ADAMTS17: variants seen among roughly 807,000 people sequenced by gnomAD.
ADAMTS17 encodes the protein A disintegrin and metalloproteinase with thrombospondin motifs 17.
A neutral mutation model predicts 141.5 loss-of-function variants in ADAMTS17; 113 were observed. The ratio of observed to expected loss-of-function variants is 0.80; its 90% confidence interval spans 0.69 to 0.93. ADAMTS17 has a LOEUF of 0.93. ADAMTS17 is among the 40% of genes least tolerant of loss of function. The probability of loss-of-function intolerance (pLI) is 0.00; values close to 1 mark genes in which losing one functional copy is unlikely to be tolerated. For synonymous variants in ADAMTS17, 768 were observed against 630.6 expected, an observed-to-expected ratio of 1.22 and a Z score of -3.27; for missense variants, 1,659 against 1,517.9, an observed-to-expected ratio of 1.09 and a Z score of -1.54.
intron 18 of ADAMTS17, among the ~76,000 whole-genome samples, chr15:100,025,171 T>C (rs2727117): frequency 0.12 from 17,556 of 152,210 alleles, 2,724 homozygotes; most frequent in African/African-American, 0.35. Context: ...ACTGTTATAT[T>C]TTCATTATAA....
intron 18 of ADAMTS17, among the ~76,000 whole-genome samples, chr15:100,018,510 G>C (rs1035663182): frequency 5.9e-5 from 9 of 152,112 alleles, no homozygotes; most frequent in Non-Finnish European, 1.3e-4. Context: ...CAGGAGATCT[G>C]GTTGCTTAGA....
chr15:100,240,900 A>G (rs2042809181), intron 7 of ADAMTS17, among the ~76,000 whole-genome samples: 1 of 152,102 alleles, frequency 6.6e-6, no homozygotes, highest in Admixed American at 6.5e-5. Flanking sequence ...ATCTCAGCTC[A>G]CTGCAACCTC....
intron 12 of ADAMTS17, among the ~76,000 whole-genome samples, chr15:100,122,301 C>G (rs73482612): frequency 0.013 from 2,032 of 152,228 alleles, 42 homozygotes; most frequent in African/African-American, 0.045. Flanking sequence ...AAAATATGAC[C>G]ACAGGAACTG....
At chr15:100,198,321 A>T (rs1489583257) in intron 8 of ADAMTS17, among the ~76,000 whole-genome samples, 1 of 152,252 alleles carries the variant, frequency 6.6e-6, no homozygotes, top group East Asian at 1.9e-4. Context: ...AAGTAAAGCC[A>T]CAGATATGGC....
intron 8 of ADAMTS17, among the ~76,000 whole-genome samples, chr15:100,159,653 T>C (rs74448924): frequency 0.044 from 6,650 of 152,322 alleles, 488 homozygotes; most frequent in African/African-American, 0.15. Flanking sequence ...GTGTAACCAT[T>C]GCATGTGGAC....
intron 12 of ADAMTS17, among the ~76,000 whole-genome samples, chr15:100,119,802 C>T (rs1355422863): frequency 6.6e-6 from 1 of 152,248 alleles, no homozygotes. Context: ...GGCCCCTTAT[C>T]TAGCTCACAG....
At chr15:100,115,012 G>A (rs1036570954) in intron 13 of ADAMTS17, among the ~76,000 whole-genome samples, 2 of 152,264 alleles carry the variant, frequency 1.3e-5, no homozygotes, top group African/African-American at 4.8e-5. Context: ...GCACAAAGTT[G>A]AGTTGAAATT....
At chr15:100,033,865 C>A (rs1457738262) in intron 18 of ADAMTS17, among the ~76,000 whole-genome samples, 1 of 152,190 alleles carries the variant, frequency 6.6e-6, no homozygotes, top group Middle Eastern at 3.2e-3. Context: ...CAGCAAGGCC[C>A]AATTGTGCTC....
intron 7 of ADAMTS17, among the ~76,000 whole-genome samples, chr15:100,237,717 A>G (rs2042703287): frequency 6.6e-6 from 1 of 152,142 alleles, no homozygotes; most frequent in Admixed American, 6.5e-5. Context: ...TCCGCCTCCC[A>G]GGTTCAAGCA....
chr15:100,213,207 T>C (rs999487), intron 7 of ADAMTS17, among the ~76,000 whole-genome samples: 3 of 152,160 alleles, frequency 2.0e-5, no homozygotes, highest in African/African-American at 7.2e-5. Flanking sequence ...TGAACATGAA[T>C]TGAACATCCA....
intron 8 of ADAMTS17, among the ~76,000 whole-genome samples, chr15:100,178,514 A>G (rs1322022998): frequency 6.6e-6 from 1 of 152,212 alleles, no homozygotes; most frequent in African/African-American, 2.4e-5. Context: ...AAGCTAGAAT[A>G]TGACTTAAAA....
chr15:100,206,915 G>C (rs564382405), intron 7 of ADAMTS17, among the ~76,000 whole-genome samples: 2 of 152,304 alleles, frequency 1.3e-5, no homozygotes, highest in African/African-American at 4.8e-5. Flanking sequence ...CCACAGGCAG[G>C]GCCACGAGCG....
rs77678629 is a variant in ADAMTS17 at position 100,009,853 on chromosome 15, C to G, written c.2592-12264G>C. Among the ~76,000 whole-genome samples the G allele has an allele frequency of 7.9e-3, 1,205 of 152,296 alleles. 20 individuals are homozygous for G. The highest frequency in any genetic ancestry group is 0.028 in the African/African-American group (1,173 of 41,550). Reference sequence around the variant, plus strand: ...GGGACAGAACACTCACAGCTGAAGGCCTCTGAGTACTGAATCCTATTTTGG... The same window carrying G: ...GGGACAGAACACTCACAGCTGAAGGGCTCTGAGTACTGAATCCTATTTTGG... On this transcript the variant is annotated intron_variant, in intron 18 of 21. Coordinates refer to ENST00000268070, the MANE Select transcript of ADAMTS17 (RefSeq NM_139057.4).
At chr15:100,093,393 G>A (rs568705766) in intron 15 of ADAMTS17, among the ~76,000 whole-genome samples, 1 of 152,200 alleles carries the variant, frequency 6.6e-6, no homozygotes, top group South Asian at 2.1e-4. Flanking sequence ...GTTTCTCTTT[G>A]ATATTCACCG....
chr15:100,056,657 T>G (rs1444134828), intron 15 of ADAMTS17, among the ~76,000 whole-genome samples: 1 of 152,164 alleles, frequency 6.6e-6, no homozygotes, highest in East Asian at 1.9e-4. Context: ...CCTGCTGCTG[T>G]GCAGCCTGGT....
intron 7 of ADAMTS17, among the ~76,000 whole-genome samples, chr15:100,200,203 G>T (rs1567340071): frequency 6.6e-6 from 1 of 152,212 alleles, no homozygotes; most frequent in Non-Finnish European, 1.5e-5. Context: ...GAAACGCAAT[G>T]CAGGGCAGTG....
At chr15:100,105,213 C>A (rs73476470) in intron 14 of ADAMTS17, among the ~76,000 whole-genome samples, 1 of 152,172 alleles carries the variant, frequency 6.6e-6, no homozygotes, top group Non-Finnish European at 1.5e-5. Context: ...TGCAGCCACC[C>A]GGGAGATGGT....
At chr15:100,212,793 C>T in intron 7 of ADAMTS17, among the ~76,000 whole-genome samples, 1 of 133,440 alleles carries the variant, frequency 7.5e-6, no homozygotes, top group Non-Finnish European at 1.5e-5. Context: ...CATTATTCAC[C>T]AACAATGTCA....
intron 18 of ADAMTS17, among the ~76,000 whole-genome samples, chr15:100,013,452 T>C (rs994279347): frequency 6.6e-6 from 1 of 152,214 alleles, no homozygotes; most frequent in African/African-American, 2.4e-5. Flanking sequence ...TGGGCATCCT[T>C]GTCTTGTTCC....
Sources: gnomAD v4.1 joint callset for allele counts (sites outside exome capture counted in the v4.1 genomes callset) on GRCh38, gnomAD v4.1.1 for gene constraint, MANE v1.5 for transcripts, NCBI Gene and HGNC (gene_info 2026-07-23, HGNC 2026-07-21) for gene names.